Variants in KIF13B observed in about 807,000 individuals in gnomAD.
KIF13B encodes kinesin family member 13B.
In KIF13B, 127 loss-of-function variants were observed where a neutral mutation model predicts 222.0. The ratio of observed to expected loss-of-function variants is 0.57; its 90% CI spans 0.50 to 0.66. KIF13B has a LOEUF of 0.66. Ranked by LOEUF, KIF13B falls within the 30% of genes least tolerant of loss-of-function variation. The probability of loss-of-function intolerance (pLI) is 0.00; values close to 1 mark genes in which losing one functional copy is unlikely to be tolerated. For missense variants in KIF13B, 2,173 were observed against 2,379.0 expected, an observed-to-expected ratio of 0.91 and a Z score of 1.80; for synonymous variants, 976 against 919.0, an observed-to-expected ratio of 1.06 and a Z score of -1.12.
At chr8:29,143,974 G>C (rs1810938549) in intron 18 of KIF13B, among the ~76,000 whole-genome samples, 1 of 150,250 alleles carries the variant, frequency 6.7e-6, no homozygotes, top group Non-Finnish European at 1.5e-5. Context: ...TTTCAGAGTA[G>C]AACTTGAGCA....
intron 36 of KIF13B, among the ~76,000 whole-genome samples, chr8:29,097,840 G>C (rs1001120294): frequency 1.3e-5 from 2 of 152,030 alleles, no homozygotes. Flanking sequence ...AGAATAAAAA[G>C]AAGGAACATC....
At chr8:29,250,082 A>C (rs563543856) in intron 1 of KIF13B, 254 of 1,279,286 alleles carry the variant, frequency 2.0e-4, no homozygotes, top group South Asian at 8.7e-4. Context: ...CTTACAGTCA[A>C]ATCTGTATCA....
At chr8:29,108,016 T>C (rs1809174915) in intron 35 of KIF13B, 123 bp downstream of exon 35, 2 of 750,276 alleles carry the variant, frequency 2.7e-6, no homozygotes, top group Admixed American at 2.8e-5. Context: ...TTCAAGTAAG[T>C]TTCACATAAT....
intron 14 of KIF13B, 52 bp from the exon 15 acceptor site, chr8:29,150,435 T>C: frequency 1.2e-6 from 1 of 859,900 alleles, no homozygotes. Flanking sequence ...TCATGTCTTC[T>C]GCTTTAATTT....
chr8:29,100,934 G>A (rs1020632465), intron 35 of KIF13B, among the ~76,000 whole-genome samples: 1 of 152,044 alleles, frequency 6.6e-6, no homozygotes, highest in African/African-American at 2.4e-5. Context: ...TGGGTCCTGC[G>A]CACCTCAGAG....
At chr8:29,223,698 A>C (rs1401219512) in intron 2 of KIF13B, among the ~76,000 whole-genome samples, 1 of 152,208 alleles carries the variant, frequency 6.6e-6, no homozygotes, top group African/African-American at 2.4e-5. Context: ...GAAAATAAAT[A>C]AGAATGAAAA....
At chr8:29,201,390 A>G (rs1379732906) in intron 2 of KIF13B, among the ~76,000 whole-genome samples, 1 of 152,248 alleles carries the variant, frequency 6.6e-6, no homozygotes, top group Non-Finnish European at 1.5e-5. Flanking sequence ...AAATCAAATT[A>G]TATCTGTAAT....
At chr8:29,098,170 C>CA (rs147089450) in intron 36 of KIF13B, among the ~76,000 whole-genome samples, 778 of 30,144 alleles carry the variant, frequency 0.026, 55 homozygotes, top group Middle Eastern at 0.062. Flanking sequence ...GACTCCATCT[C>CA]AAAAAAAAAA....
chr8:29,230,877 TTTTTTG>T (rs1001917993), intron 2 of KIF13B, among the ~76,000 whole-genome samples: 3 of 151,858 alleles, frequency 2.0e-5, no homozygotes, highest in Non-Finnish European at 1.5e-5. Flanking sequence ...TAATATTTTG[TTTTTTG>T]TTTTTGTTTT....
At chr8:29,236,848 T>A (rs908775127) in intron 2 of KIF13B, among the ~76,000 whole-genome samples, 17 of 152,176 alleles carry the variant, frequency 1.1e-4, no homozygotes, top group Non-Finnish European at 1.6e-4. Flanking sequence ...TCAAATCATT[T>A]CAAATTTGAG....
At chr8:29,077,240 C>T (rs900758297) in intron 37 of KIF13B, among the ~76,000 whole-genome samples, 4 of 152,194 alleles carry the variant, frequency 2.6e-5, no homozygotes, top group African/African-American at 7.2e-5. Context: ...ACAGTCTCCC[C>T]TCTGCGCCCC....
At chr8:29,191,848 A>G (rs1381402287) in intron 3 of KIF13B, among the ~76,000 whole-genome samples, 3 of 152,218 alleles carry the variant, frequency 2.0e-5, no homozygotes, top group Non-Finnish European at 4.4e-5. Flanking sequence ...TCAGTTTGAA[A>G]TCTACTTACT....
At position 29,068,276 on chromosome 8, in the gene KIF13B, T is replaced by C. The variant is rs1166407584; in HGVS notation, c.*2228A>G. On this transcript the variant is annotated 3_prime_UTR_variant, in exon 40 of 40. Transcript: ENST00000524189. The surrounding 1 kb of genome is among the most constrained non-coding windows in gnomAD (Gnocchi z 4.4). ...TGGTCAGGGAGGCAAGAAAAGAAGA[T>C]AGAAGACGGAGGCCAGCCCGCCCTG... The C allele has an allele frequency of 1.3e-5, 2 of 152,192 alleles. No individual in the cohort carries two copies. The highest frequency in any genetic ancestry group is 4.8e-5 in the African/African-American group (2 of 41,382). 9.4% of individuals were successfully genotyped at this position (152,192 alleles called of 1,614,324 possible).
intron 29 of KIF13B, 32 bp from the exon 30 acceptor site, chr8:29,119,024 G>T: frequency 1.9e-6 from 3 of 1,601,880 alleles, no homozygotes; most frequent in South Asian, 1.1e-5. Context: ...TAAATACTGA[G>T]ATCATTTTCA....
At chr8:29,191,174 T>C in intron 3 of KIF13B, 117 bp from the exon 4 acceptor site, 1 of 735,542 alleles carries the variant, frequency 1.4e-6, no homozygotes, top group South Asian at 1.9e-5. Context: ...ACAATGGGAA[T>C]TAATTATGTA....
chr8:29,200,516 C>G (rs527484261), intron 2 of KIF13B, among the ~76,000 whole-genome samples: 1 of 152,102 alleles, frequency 6.6e-6, no homozygotes, highest in Non-Finnish European at 1.5e-5. Flanking sequence ...AAAAATAGTA[C>G]AAAAAAATCC....
At chr8:29,226,111 C>G (rs533001450) in intron 2 of KIF13B, among the ~76,000 whole-genome samples, 1 of 152,076 alleles carries the variant, frequency 6.6e-6, no homozygotes, top group African/African-American at 2.4e-5. Context: ...GATCTAGAGA[C>G]GGATTGATTC....
chr8:29,195,576 A>C (rs1329100803), intron 3 of KIF13B, among the ~76,000 whole-genome samples: 1 of 152,200 alleles, frequency 6.6e-6, no homozygotes, highest in Non-Finnish European at 1.5e-5. Flanking sequence ...CAGAAATCTA[A>C]ATTTCCTGGA....
intron 37 of KIF13B, among the ~76,000 whole-genome samples, chr8:29,082,476 A>C (rs906228471): frequency 6.6e-6 from 1 of 151,314 alleles, no homozygotes; most frequent in African/African-American, 2.4e-5. Flanking sequence ...TCATTTTTAC[A>C]AAAAAAAAGT....
Sources: gnomAD v4.1 joint callset for allele counts (sites outside exome capture counted in the v4.1 genomes callset) on GRCh38, gnomAD v4.1.1 for gene constraint, Gnocchi (gnomAD v3.1) non-coding constraint, MANE v1.5 for transcripts, NCBI Gene and HGNC (gene_info 2026-07-23, HGNC 2026-07-21) for gene names.